FAR2: variants seen among roughly 807,000 people sequenced by gnomAD.
FAR2 encodes fatty acyl-CoA reductase 2.
Under a neutral mutation model 56.0 loss-of-function variants are expected in FAR2, and 19 were observed. That is an observed-to-expected ratio of 0.34 (90% CI 0.24 to 0.50). The LOEUF is 0.50. Among genes scored for constraint, FAR2 ranks in the 20% least tolerant of loss-of-function variants. The pLI is 0.98. For missense variants in FAR2, 508 were observed against 642.2 expected, an observed-to-expected ratio of 0.79 and a Z score of 2.26; for synonymous variants, 219 against 218.8, an observed-to-expected ratio of 1.00 and a Z score of -0.01.
At chr12:29,253,327 A>G (rs1459464230) in intron 1 of FAR2, among the ~76,000 whole-genome samples, 14 of 149,312 alleles carry the variant, frequency 9.4e-5, no homozygotes, top group African/African-American at 3.5e-4. Context: ...ATATCTATCT[A>G]GATAGATATC....
At chr12:29,164,319 G>C (rs186608337) in intron 1 of FAR2, among the ~76,000 whole-genome samples, 3 of 152,252 alleles carry the variant, frequency 2.0e-5, no homozygotes, top group Non-Finnish European at 1.5e-5. Context: ...TTTTGCCGAC[G>C]CGGCTGCTGC....
intron 10 of FAR2, among the ~76,000 whole-genome samples, chr12:29,326,544 C>T (rs1949650421): frequency 6.6e-6 from 1 of 152,198 alleles, no homozygotes; most frequent in Non-Finnish European, 1.5e-5. Context: ...CATCAAAAAG[C>T]TTATCCACCA....
intron 10 of FAR2, among the ~76,000 whole-genome samples, chr12:29,326,237 C>T (rs552158707): frequency 6.6e-6 from 1 of 152,004 alleles, no homozygotes; most frequent in Non-Finnish European, 1.5e-5. Flanking sequence ...CAATAACAGG[C>T]TCTGAAATTG....
chr12:29,246,763 G>A (rs1948134207), intron 1 of FAR2, among the ~76,000 whole-genome samples: 1 of 152,092 alleles, frequency 6.6e-6, no homozygotes, highest in African/African-American at 2.4e-5. Flanking sequence ...TTGCAGATCT[G>A]TGAGTACCTT....
At chr12:29,219,439 CA>C (rs1261170877) in intron 1 of FAR2, among the ~76,000 whole-genome samples, 1 of 151,982 alleles carries the variant, frequency 6.6e-6, no homozygotes, top group Non-Finnish European at 1.5e-5. Context: ...TTTACATAAA[CA>C]GGAACTTTCA....
chr12:29,234,818 T>C (rs1185464135), intron 1 of FAR2, among the ~76,000 whole-genome samples: 1 of 152,178 alleles, frequency 6.6e-6, no homozygotes, highest in Non-Finnish European at 1.5e-5. Context: ...AGAAAACCAT[T>C]TCATGATTCT....
At chr12:29,246,235 A>G (rs1326979605) in intron 1 of FAR2, among the ~76,000 whole-genome samples, 1 of 152,164 alleles carries the variant, frequency 6.6e-6, no homozygotes, top group Non-Finnish European at 1.5e-5. Context: ...CATTTGCACT[A>G]TATTTTTAAA....
At chr12:29,315,887 A>C (rs1172271086) in intron 8 of FAR2, among the ~76,000 whole-genome samples, 5 of 152,196 alleles carry the variant, frequency 3.3e-5, no homozygotes, top group Non-Finnish European at 1.5e-5. Flanking sequence ...CCAGATGGAA[A>C]TGTTGAACAG....
Position 29,183,762 on chromosome 12 carries a change from T to C in FAR2, c.-39+34355T>C, listed in dbSNP as rs192999217. 1.6e-4 allele frequency among the ~76,000 whole-genome samples: 24 copies of C among 152,344 alleles called. No homozygotes were observed. In the East Asian group the frequency reaches 2.1e-3, roughly 13 times the overall value. On this transcript the variant is annotated intron_variant, in intron 1 of 11. Coordinates refer to ENST00000536681, the MANE Select transcript of FAR2 (RefSeq NM_001271783.2). ...TAGGACTTTTCCATAAGACAGTCTCTAGCTAGCATTTTACCTTGGTTTTTA... is the reference window on the plus strand; with the variant it reads ...TAGGACTTTTCCATAAGACAGTCTCCAGCTAGCATTTTACCTTGGTTTTTA...
At chr12:29,321,747 C>A in intron 9 of FAR2, 48 bp from the exon 10 acceptor site, 1 of 1,597,828 alleles carries the variant, frequency 6.3e-7, no homozygotes, top group Non-Finnish European at 8.5e-7. Flanking sequence ...TGTAGAGTGA[C>A]AGGGAAGTGG....
chr12:29,297,172 G>T lies in FAR2; in HGVS notation c.517G>T (p.Glu173Ter). The T allele has an allele frequency of 6.2e-7, 1 of 1,610,042 alleles. No individual in the cohort carries two copies. Among genetic ancestry groups the T allele is most frequent in the South Asian group, 1.1e-5 (1 of 90,232 alleles). ...IDEVIYPCPV[E>*]PKKIIDSLEW... ...TGAAGTTATCTATCCGTGCCCTGTG[G>T]AGCCAAAAAAAATCATTGATTCCCT... The change falls in exon 4 of 12, where the codon GAG becomes TAG. Residue 173 changes from glutamate (E) to a stop codon, truncating the protein, a stop_gained. Transcript: ENST00000536681. LOFTEE classifies it high-confidence loss of function.
At chr12:29,219,522 C>G (rs1333550228) in intron 1 of FAR2, among the ~76,000 whole-genome samples, 1 of 152,070 alleles carries the variant, frequency 6.6e-6, no homozygotes, top group Non-Finnish European at 1.5e-5. Context: ...TAGTTCACTG[C>G]TGTACATCAG....
intron 2 of FAR2, among the ~76,000 whole-genome samples, chr12:29,288,858 A>G (rs1948914570): frequency 6.6e-6 from 1 of 152,204 alleles, no homozygotes; most frequent in African/African-American, 2.4e-5. Context: ...AGTCTTTTCA[A>G]TGAATGGCAT....
In FAR2 at chr12:29,256,821, C is replaced by T. The variant is rs181913324; in HGVS notation, c.-38-13591C>T. Among the ~76,000 whole-genome samples the T allele has an allele frequency of 4.1e-3, 623 of 152,344 alleles. 3 individuals carry two copies. Among genetic ancestry groups the T allele is most frequent in the Non-Finnish European group, 6.6e-3 (452 of 68,024 alleles). On this transcript the variant is annotated intron_variant, in intron 1 of 11. Transcript: ENST00000536681. ...GAGGAGGGTGTACTGGGTCCCCCAG[C>T]AGTGCCAGCCCAACGGCGCTGCACT...
chr12:29,204,156 T>C (rs1298227688), intron 1 of FAR2, among the ~76,000 whole-genome samples: 1 of 152,102 alleles, frequency 6.6e-6, no homozygotes, highest in Non-Finnish European at 1.5e-5. Context: ...TATTTGAGTA[T>C]AGCAGCAAGT....
At position 29,202,498 on chromosome 12, in the gene FAR2, C is replaced by G. The variant is rs148976087; in HGVS notation, c.-39+53091C>G. ...ATTTCCTTGCTATTAAAAAACAAGTCTGACAGGCACTAGCAGTAAGATCTA... is the reference window on the plus strand; with the variant it reads ...ATTTCCTTGCTATTAAAAAACAAGTGTGACAGGCACTAGCAGTAAGATCTA... On this transcript the variant is annotated intron_variant, in intron 1 of 11. Transcript: ENST00000536681. Among the ~76,000 whole-genome samples, 13 of 152,276 alleles carry G rather than the reference C, an allele frequency of 8.5e-5. No individual in the cohort carries two copies. The East Asian group carries it at 2.5e-3, about 29-fold the overall frequency.
intron 1 of FAR2, among the ~76,000 whole-genome samples, chr12:29,165,778 T>C (rs1949820806): frequency 6.6e-6 from 1 of 152,210 alleles, no homozygotes; most frequent in Non-Finnish European, 1.5e-5. Context: ...AAATTAGCTG[T>C]TGAGGTTAGA....
At chr12:29,187,641 A>T (rs1221284743) in intron 1 of FAR2, among the ~76,000 whole-genome samples, 3 of 152,212 alleles carry the variant, frequency 2.0e-5, no homozygotes, top group Non-Finnish European at 4.4e-5. Flanking sequence ...AGAATAAAAT[A>T]AATGGTCTTT....
intron 1 of FAR2, among the ~76,000 whole-genome samples, chr12:29,167,162 A>T (rs1949837988): frequency 6.6e-6 from 1 of 152,096 alleles, no homozygotes; most frequent in Non-Finnish European, 1.5e-5. Flanking sequence ...CGCTATCCCC[A>T]TTGGATACTC....
Sources: gnomAD v4.1 joint callset for allele counts (sites outside exome capture counted in the v4.1 genomes callset) on GRCh38, gnomAD v4.1.1 for gene constraint, MANE v1.5 for transcripts, NCBI Gene and HGNC (gene_info 2026-07-23, HGNC 2026-07-21) for gene names.